Variants in HSD17B2 observed in about 807,000 individuals in gnomAD.
HSD17B2 encodes the protein hydroxysteroid 17-beta dehydrogenase 2, also known as 17-beta-hydroxysteroid dehydrogenase type 2.
HSD17B2 carries 32 observed loss-of-function variants against 26.9 expected under a neutral mutation model. That is an observed-to-expected ratio of 1.19 (90% CI 0.90 to 1.60). The LOEUF is 1.60. HSD17B2 is among the 40% of genes most tolerant of loss of function. The probability of loss-of-function intolerance (pLI) is 0.00; values close to 1 mark genes in which losing one functional copy is unlikely to be tolerated. For missense variants in HSD17B2, 613 were observed against 468.6 expected, an observed-to-expected ratio of 1.31 and a Z score of -2.85; for synonymous variants, 246 against 186.7, an observed-to-expected ratio of 1.32 and a Z score of -2.59.
chr16:82,051,623 G>A (rs1430651353), intron 1 of HSD17B2, among the ~76,000 whole-genome samples: 2 of 152,148 alleles, frequency 1.3e-5, no homozygotes, highest in African/African-American at 4.8e-5. Flanking sequence ...AATGCATGCA[G>A]GGCTTAACAC....
Position 82,035,258 on chromosome 16 carries a change from C to T in HSD17B2, c.-167C>T. 1 of 618,766 alleles carries T rather than the reference C, an allele frequency of 1.6e-6. No homozygotes were observed. The highest frequency in any genetic ancestry group is 2.8e-6 in the Non-Finnish European group (1 of 357,552). 38.3% of individuals were successfully genotyped at this position (618,766 alleles called of 1,614,324 possible). A position where few individuals can be genotyped will look rare whatever the true frequency, so the allele number is the denominator to read the frequency against. ...AGTGCACACTGGTTTAAATTACCCA[C>T]TGGGAATATGATTATGCTTAATCTA... is the stretch of plus-strand genomic sequence containing the variant. On this transcript the variant is annotated 5_prime_UTR_variant, in exon 1 of 5. Transcript: ENST00000199936.
rs138609645 is a variant in HSD17B2 at position 82,090,906 on chromosome 16, G to C, written c.669G>C (p.Gly223=). 3.5e-5 allele frequency: 57 copies of C among 1,610,616 alleles called. No homozygotes were observed. The East Asian group carries it at 1.1e-3, about 32-fold the overall frequency. ...TTTCTCCCATTATTCCCATAGGAGG[G>C]GCCCCAATGGAAAGGCTGGCATCTT... The part of the protein sequence containing the change: ...RLVNVSSMGG[G]APMERLASYG... The change falls in exon 4 of 5, where the codon GGG becomes GGC. Residue 223 remains glycine, a synonymous_variant. Transcript: ENST00000199936.
intron 1 of HSD17B2, among the ~76,000 whole-genome samples, chr16:82,048,239 T>A (rs1170442831): frequency 6.6e-6 from 1 of 152,122 alleles, no homozygotes; most frequent in Non-Finnish European, 1.5e-5. Context: ...GGTCCACTCA[T>A]ACCTATAGGA....
At chr16:82,061,399 T>C (rs1914434850) in intron 1 of HSD17B2, among the ~76,000 whole-genome samples, 1 of 152,172 alleles carries the variant, frequency 6.6e-6, no homozygotes, top group South Asian at 2.1e-4. Flanking sequence ...TGTCACTCCA[T>C]TTTAAAGATG....
chr16:82,051,917 T>C (rs529187076), intron 1 of HSD17B2, among the ~76,000 whole-genome samples: 5 of 152,290 alleles, frequency 3.3e-5, no homozygotes, highest in African/African-American at 1.2e-4. Flanking sequence ...CCCTGCTCTC[T>C]CCCAGACCCC....
intron 3 of HSD17B2, among the ~76,000 whole-genome samples, chr16:82,085,109 A>G (rs1016439970): frequency 1.2e-4 from 18 of 152,264 alleles, no homozygotes; most frequent in Admixed American, 6.5e-5. Context: ...TAAAAGATCT[A>G]GAAGAGTTCA....
At chr16:82,045,281 C>T (rs1376376507) in intron 1 of HSD17B2, among the ~76,000 whole-genome samples, 1 of 152,098 alleles carries the variant, frequency 6.6e-6, no homozygotes, top group African/African-American at 2.4e-5. Context: ...TGTTTACCCC[C>T]AGTGAGCCCC....
Position 82,039,623 on chromosome 16 carries a change from C to T in HSD17B2, c.265+3934C>T, listed in dbSNP as rs372748685. On this transcript the variant is annotated intron_variant, in intron 1 of 4. Transcript: ENST00000199936. ...CTACTTTTCCTTCATCTTGGACACA[C>T]ATTCACTGGAGTTCCTTCCCCCTCT... Among the ~76,000 whole-genome samples the T allele has an allele frequency of 1.1e-4, 16 of 152,288 alleles. No homozygotes were observed. In the East Asian group the frequency reaches 1.5e-3, roughly 15 times the overall value.
chr16:82,086,703 G>A (rs1389629470), intron 3 of HSD17B2, among the ~76,000 whole-genome samples: 1 of 152,216 alleles, frequency 6.6e-6, no homozygotes, highest in Admixed American at 6.5e-5. Context: ...GTACATTATT[G>A]ATTAAGGCAG....
chr16:82,053,061 T>A (rs951849609), intron 1 of HSD17B2, among the ~76,000 whole-genome samples: 2 of 152,198 alleles, frequency 1.3e-5, no homozygotes, highest in Admixed American at 6.5e-5. Flanking sequence ...AGGCTCCACC[T>A]CTCAATGCCA....
chr16:82,084,165 A>G (rs551522378), intron 3 of HSD17B2, among the ~76,000 whole-genome samples: 14 of 152,184 alleles, frequency 9.2e-5, no homozygotes, highest in African/African-American at 3.4e-4. Context: ...TCATGTCTCT[A>G]TCTTCAAATG....
At chr16:82,041,077 A>G (rs1913753331) in intron 1 of HSD17B2, among the ~76,000 whole-genome samples, 1 of 152,226 alleles carries the variant, frequency 6.6e-6, no homozygotes, top group Non-Finnish European at 1.5e-5. Context: ...AAGTTTGAAC[A>G]ATGATTGTAT....
intron 1 of HSD17B2, among the ~76,000 whole-genome samples, chr16:82,065,116 CACACAGTGTTGA>C (rs1289609715): frequency 2.0e-5 from 3 of 152,212 alleles, no homozygotes; most frequent in Non-Finnish European, 4.4e-5. Context: ...TGTGTGGAGG[CACACAGTGTTGA>C]ACACATCAAA....
chr16:82,056,259 A>G (rs1389154337), intron 1 of HSD17B2, among the ~76,000 whole-genome samples: 1 of 152,208 alleles, frequency 6.6e-6, no homozygotes, highest in Admixed American at 6.5e-5. Context: ...TAGTGGGGCA[A>G]TTTAGTTGTA....
chr16:82,089,947 C>A (rs1904635283), intron 3 of HSD17B2, among the ~76,000 whole-genome samples: 1 of 152,132 alleles, frequency 6.6e-6, no homozygotes, highest in African/African-American at 2.4e-5. Flanking sequence ...ATCTTGCCTT[C>A]CATTACTTCC....
chr16:82,084,390 C>A (rs1904463808), intron 3 of HSD17B2, among the ~76,000 whole-genome samples: 1 of 151,962 alleles, frequency 6.6e-6, no homozygotes, highest in Non-Finnish European at 1.5e-5. Context: ...TGCAAAATCA[C>A]CCCCAGTTGA....
intron 1 of HSD17B2, among the ~76,000 whole-genome samples, chr16:82,040,877 A>T (rs1913747492): frequency 6.6e-6 from 1 of 152,214 alleles, no homozygotes; most frequent in African/African-American, 2.4e-5. Context: ...TTGTAGATAG[A>T]TGCTGGAGAA....
chr16:82,067,744 G>A (rs1196577914), intron 1 of HSD17B2, among the ~76,000 whole-genome samples: 1 of 152,218 alleles, frequency 6.6e-6, no homozygotes, highest in East Asian at 1.9e-4. Context: ...GCAAAACCGA[G>A]TCCAAAGTAT....
intron 3 of HSD17B2, among the ~76,000 whole-genome samples, chr16:82,077,078 A>C (rs73603094): frequency 0.025 from 3,832 of 152,308 alleles, 163 homozygotes; most frequent in African/African-American, 0.086. Context: ...TATTGTTAAA[A>C]CGTCCATACT....
Sources: gnomAD v4.1 joint callset for allele counts (sites outside exome capture counted in the v4.1 genomes callset) on GRCh38, gnomAD v4.1.1 for gene constraint, MANE v1.5 for transcripts, NCBI Gene and HGNC (gene_info 2026-07-23, HGNC 2026-07-21) for gene names.